Variants in GRAMD2B observed in about 807,000 individuals in gnomAD.
GRAMD2B encodes GRAM domain-containing protein 2B.
GRAMD2B carries 41 observed loss-of-function variants against 59.2 expected under a neutral mutation model. The observed-to-expected ratio is 0.69, with a 90% CI of 0.54 to 0.90. The LOEUF is 0.90. Ranked by LOEUF, GRAMD2B falls within the 40% of genes least tolerant of loss-of-function variation. The pLI is 0.00. For missense variants in GRAMD2B, 424 were observed against 500.5 expected, an observed-to-expected ratio of 0.85 and a Z score of 1.46; for synonymous variants, 161 against 182.7, an observed-to-expected ratio of 0.88 and a Z score of 0.96.
At chr5:126,371,630 G>A (rs892218007) in intron 1 of GRAMD2B, 5 of 1,231,554 alleles carry the variant, frequency 4.1e-6, no homozygotes, top group Non-Finnish European at 5.2e-6. Context: ...CTACCCAACT[G>A]GTGACCCTTG....
chr5:126,407,751 A>T (rs1377421706), intron 1 of GRAMD2B, among the ~76,000 whole-genome samples: 1 of 152,008 alleles, frequency 6.6e-6, no homozygotes, highest in African/African-American at 2.4e-5. Context: ...GATGAACTAA[A>T]GGAGGGCAAT....
intron 6 of GRAMD2B, chr5:126,480,007 G>A (rs973801149): frequency 6.5e-6 from 1 of 153,838 alleles, no homozygotes; most frequent in Non-Finnish European, 1.4e-5. Flanking sequence ...AGAGCCACTG[G>A]GAAGTTTTCA....
At chr5:126,413,457 A>G (rs999540754) in intron 1 of GRAMD2B, among the ~76,000 whole-genome samples, 1 of 151,946 alleles carries the variant, frequency 6.6e-6, no homozygotes, top group African/African-American at 2.4e-5. Context: ...ATTCTACCAC[A>G]TTTTGACTAT....
intron 1 of GRAMD2B, chr5:126,462,573 C>T (rs1457311022): frequency 3.7e-6 from 1 of 273,806 alleles, no homozygotes; most frequent in African/African-American, 2.3e-5. Flanking sequence ...TGAGATACTA[C>T]ATAATTAATC....
At chr5:126,434,466 A>G (rs1234508792) in intron 1 of GRAMD2B, among the ~76,000 whole-genome samples, 1 of 152,002 alleles carries the variant, frequency 6.6e-6, no homozygotes, top group African/African-American at 2.4e-5. Flanking sequence ...TTCACTGTCT[A>G]CAAGACACTA....
intron 1 of GRAMD2B, among the ~76,000 whole-genome samples, chr5:126,439,941 G>A (rs1284128174): frequency 2.6e-5 from 4 of 152,206 alleles, no homozygotes; most frequent in East Asian, 1.9e-4. Context: ...CATGTAAGAC[G>A]TGCCTTTGCT....
chr5:126,374,392 T>A (rs1755014052), intron 1 of GRAMD2B, among the ~76,000 whole-genome samples: 1 of 152,220 alleles, frequency 6.6e-6, no homozygotes, highest in Non-Finnish European at 1.5e-5. Context: ...TGAATTTATA[T>A]CCCTTTTGGA....
At chr5:126,384,649 T>C (rs1470832299) in intron 1 of GRAMD2B, among the ~76,000 whole-genome samples, 1 of 152,206 alleles carries the variant, frequency 6.6e-6, no homozygotes, top group East Asian at 1.9e-4. Context: ...TTAAGGAGAA[T>C]TATCTGTGAC....
intron 1 of GRAMD2B, among the ~76,000 whole-genome samples, chr5:126,394,406 A>C (rs1757172047): frequency 6.6e-6 from 1 of 152,210 alleles, no homozygotes; most frequent in Non-Finnish European, 1.5e-5. Flanking sequence ...GAGTAAATCT[A>C]CATGACCTGA....
chr5:126,380,004 T>G (rs183990326), intron 1 of GRAMD2B, among the ~76,000 whole-genome samples: 39 of 152,356 alleles, frequency 2.6e-4, no homozygotes, highest in Non-Finnish European at 5.3e-4. Context: ...TAGAAGGGTT[T>G]TTCTGATGTT....
intron 13 of GRAMD2B, among the ~76,000 whole-genome samples, chr5:126,491,721 CT>C (rs959189130): frequency 1.2e-3 from 180 of 149,758 alleles, no homozygotes; most frequent in African/African-American, 3.9e-3. Flanking sequence ...GCTCTGAATT[CT>C]TTTTTTTTTC....
chr5:126,420,061 A>AAG (rs1759599835), upstream of GRAMD2B, among the ~76,000 whole-genome samples: 1 of 150,642 alleles, frequency 6.6e-6, no homozygotes, highest in African/African-American at 2.4e-5. Context: ...TCTCAAAAAA[A>AAG]AAAAAAAAAA....
chr5:126,488,700 T>G, intron 12 of GRAMD2B, 99 bp from the exon 13 acceptor site: 1 of 803,402 alleles, frequency 1.2e-6, no homozygotes, highest in East Asian at 2.7e-5. Flanking sequence ...TCTCTTCTAT[T>G]ATAAACCAAT....
At chr5:126,406,262 G>A (rs900116494) in intron 1 of GRAMD2B, among the ~76,000 whole-genome samples, 51 of 151,744 alleles carry the variant, frequency 3.4e-4, no homozygotes, top group African/African-American at 2.9e-4. Flanking sequence ...GTTAAATGAC[G>A]AGTTACTGGG....
chr5:126,465,766 G>C (rs996708710), intron 2 of GRAMD2B, among the ~76,000 whole-genome samples: 1 of 152,192 alleles, frequency 6.6e-6, no homozygotes, highest in Non-Finnish European at 1.5e-5. Flanking sequence ...TGAAAGCGCT[G>C]ATTTTGCTAA....
At chr5:126,453,106 G>A (rs1313812569) in intron 1 of GRAMD2B, among the ~76,000 whole-genome samples, 2 of 152,136 alleles carry the variant, frequency 1.3e-5, no homozygotes, top group Non-Finnish European at 2.9e-5. Flanking sequence ...AGGCCAAGGT[G>A]GGCAGATCAC....
chr5:126,468,203 C>T (rs1024004734), intron 2 of GRAMD2B, among the ~76,000 whole-genome samples: 6 of 152,154 alleles, frequency 3.9e-5, no homozygotes, highest in Admixed American at 3.3e-4. Context: ...GTTGAAGTTA[C>T]GTACAAATGT....
Position 126,477,776 on chromosome 5 carries a change from G to C in GRAMD2B, c.571G>C (p.Val191Leu). 6.2e-7 allele frequency: 1 copy of C among 1,605,130 alleles called. No homozygotes were observed. ...GCCAAACGCCCTGATCATAGCAACA[G>C]TCACAGACAGGGTGAGTATGCAGCC... ...LVPNALIIAT[V>L]TDRYIFVSLL... Residue 191 changes from valine to leucine, a missense_variant, in exon 6 of 14, where the codon GTC (valine) becomes CTC (leucine). By Grantham distance (32) the Val-to-Leu change is conservative (BLOSUM62 1). Coordinates refer to ENST00000285689, the MANE Select transcript of GRAMD2B (RefSeq NM_023927.4).
At chr5:126,411,486 T>C (rs10054169) in intron 1 of GRAMD2B, among the ~76,000 whole-genome samples, 72,660 of 151,982 alleles carry the variant, frequency 0.48, 18,315 homozygotes, top group Non-Finnish European at 0.56. Context: ...ACCAGTACCA[T>C]GCTGTTTCAG....
Sources: gnomAD v4.1 joint callset for allele counts (sites outside exome capture counted in the v4.1 genomes callset) on GRCh38, gnomAD v4.1.1 for gene constraint, MANE v1.5 for transcripts, NCBI Gene and HGNC (gene_info 2026-07-23, HGNC 2026-07-21) for gene names.